NUDT9: variants seen among roughly 807,000 people sequenced by gnomAD.
NUDT9 encodes ADP-ribose pyrophosphatase.
Under a neutral mutation model 41.0 loss-of-function variants are expected in NUDT9, and 31 were observed. That is an observed-to-expected ratio of 0.76 (90% CI 0.57 to 1.02). The LOEUF (loss-of-function observed/expected upper bound fraction) is 1.02, where lower values mean the gene tolerates loss of function less well. Among genes scored for constraint, NUDT9 ranks in the 50% least tolerant of loss-of-function variants. The pLI, the probability that NUDT9 is intolerant of heterozygous loss-of-function variation, is 0.00. For missense variants in NUDT9, 380 were observed against 431.4 expected (o/e 0.88, Z 1.06); for synonymous variants, 146 against 147.6 (o/e 0.99, Z 0.08).
intron 1 of NUDT9, among the ~76,000 whole-genome samples, chr4:87,423,539 A>G (rs1721250593): frequency 6.6e-6 from 1 of 151,758 alleles, no homozygotes; most frequent in Admixed American, 6.6e-5. Context: ...TCCCTTCTCC[A>G]GTTTTTATTC....
chr4:87,429,316 T>A (rs2110160996), intron 1 of NUDT9, among the ~76,000 whole-genome samples: 1 of 152,214 alleles, frequency 6.6e-6, no homozygotes, highest in Middle Eastern at 3.4e-3. Flanking sequence ...CATGCCTGAC[T>A]AACTTTTAAA....
rs190375768 is a variant in NUDT9 at position 87,452,266 on chromosome 4, G to A, written c.789+531G>A. ...TACCTGCCCGCCTCGGCCTCCCAAA[G>A]TGCTGGGATTACAGGTGTAAGCCAA... On this transcript the variant is annotated intron_variant, in intron 6 of 7. Transcript: ENST00000302174. Among the ~76,000 whole-genome samples the A allele has an allele frequency of 2.0e-5, 3 of 152,114 alleles. No individual in the cohort carries two copies. In the East Asian group the frequency reaches 5.8e-4, roughly 29 times the overall value.
chr4:87,425,445 A>T (rs565204103), intron 1 of NUDT9, among the ~76,000 whole-genome samples: 1 of 126,318 alleles, frequency 7.9e-6, no homozygotes, highest in East Asian at 2.5e-4. Context: ...CCAAGGCTGG[A>T]GTGCGGTGGC....
At chr4:87,438,138 G>GGAAA in intron 2 of NUDT9, 139 bp from the exon 3 acceptor site, 1 of 324,848 alleles carries the variant, frequency 3.1e-6, no homozygotes, top group African/African-American at 2.4e-5. Flanking sequence ...ATGGATTTGT[G>GGAAA]AAAAAAAAAA....
intron 4 of NUDT9, chr4:87,445,447 A>T (rs942655154): frequency 2.0e-5 from 3 of 152,176 alleles, no homozygotes; most frequent in Admixed American, 2.0e-4. Context: ...ACTTTTTCAG[A>T]AGCTCCGGGG....
chr4:87,429,591 A>G (rs1036130907), intron 1 of NUDT9, among the ~76,000 whole-genome samples: 1 of 146,576 alleles, frequency 6.8e-6, no homozygotes, highest in African/African-American at 2.5e-5. Flanking sequence ...CTTTTCCTTC[A>G]GTTTTCTTAT....
chr4:87,445,651 A>C (rs1003921349), intron 4 of NUDT9: 1 of 152,212 alleles, frequency 6.6e-6, no homozygotes, highest in Non-Finnish European at 1.5e-5. Flanking sequence ...AGGAAGGTAC[A>C]TACTGTTAGA....
At position 87,441,883 on chromosome 4, in the gene NUDT9, C is replaced by G; in HGVS notation, c.498C>G (p.Gly166=). ...LVGRGLLGRW[G]PNHAADPIIT... is the part of the protein sequence containing the mutation. ...GCCGGGGGCTTTTGGGGCGATGGGGCCCAAATCACGCTGCAGATCCCATTA... is the reference window on the plus strand; with the variant it reads ...GCCGGGGGCTTTTGGGGCGATGGGGGCCAAATCACGCTGCAGATCCCATTA... Residue 166 remains glycine, a synonymous_variant, in exon 4 of 8, where the codon GGC becomes GGG. Coordinates refer to ENST00000302174, the MANE Select transcript of NUDT9 (RefSeq NM_024047.5). The G allele has an allele frequency of 6.2e-7, 1 of 1,612,822 alleles. No homozygotes were observed. Among genetic ancestry groups the G allele is most frequent in the Non-Finnish European group, 8.5e-7 (1 of 1,179,574 alleles).
chr4:87,456,472 C>T (rs1722995318), intron 7 of NUDT9, among the ~76,000 whole-genome samples: 1 of 152,100 alleles, frequency 6.6e-6, no homozygotes, highest in Non-Finnish European at 1.5e-5. Context: ...AAATTGGTTA[C>T]CTTTCCCCTC....
rs1722954359 is a variant in NUDT9 at position 87,455,651 on chromosome 4, CTTTTTTCTTTTTTTTT to C, written c.874+1203_874+1218del. Among the ~76,000 whole-genome samples, 3 of 141,940 alleles carry C rather than the reference CTTTTTTCTTTTTTTTT, an allele frequency of 2.1e-5. No individual in the cohort carries two copies. In the East Asian group the frequency reaches 6.1e-4, roughly 29 times the overall value. The allele number at this position is 141,940 out of a possible 152,430, so 93.1% of individuals were successfully genotyped here. On this transcript the variant is annotated intron_variant, in intron 7 of 7. Coordinates refer to ENST00000302174, the MANE Select transcript of NUDT9 (RefSeq NM_024047.5). ...TAGCGTGCTTTTAGTGCTTTTTTTTCTTTTTTCTTTTTTTTTTTTTTTAACCCCGAGATGGAGTCTT... is the reference window on the plus strand; with the variant it reads ...TAGCGTGCTTTTAGTGCTTTTTTTTCTTTTTTAACCCCGAGATGGAGTCTT...
chr4:87,426,935 C>CA (rs70957243), intron 1 of NUDT9, among the ~76,000 whole-genome samples: 171 of 53,960 alleles, frequency 3.2e-3, no homozygotes, highest in Admixed American at 4.0e-3. Context: ...ACTCCCTTGC[C>CA]AAAAAAAAAA....
Position 87,423,098 on chromosome 4 carries a change from A to G in NUDT9, c.107+86A>G, listed in dbSNP as rs1721224311. 3 of 949,686 alleles carry G rather than the reference A, an allele frequency of 3.2e-6. No homozygotes were observed. In the East Asian group the frequency reaches 8.1e-5, roughly 26 times the overall value. The allele number at this position is 949,686 out of a possible 1,614,324, so 58.8% of individuals were successfully genotyped here. A position where few individuals can be genotyped will look rare whatever the true frequency, so the allele number is the denominator to read the frequency against. ...AGCTTTTTTTTCTGGCGTATTCTGT[A>G]GGCTTTGCTTTGCCTCTCGGGTTTT... On this transcript the variant is annotated intron_variant, in intron 1 of 7. Coordinates refer to ENST00000302174, the MANE Select transcript of NUDT9 (RefSeq NM_024047.5).
chr4:87,439,873 A>G (rs11936844), intron 3 of NUDT9, among the ~76,000 whole-genome samples: 2,623 of 152,294 alleles, frequency 0.017, 85 homozygotes, highest in African/African-American at 0.06. Flanking sequence ...CATGTACCAA[A>G]TAAAACCAAA....
chr4:87,422,882 C>G lies in NUDT9; in HGVS notation c.-24C>G. On this transcript the variant is annotated 5_prime_UTR_variant, in exon 1 of 8. The change creates a new upstream start codon in the 5' untranslated region. Transcript: ENST00000302174. ...GCACCAACTAAGAGCGACCTAGCAT[C>G]GCAAAGCCGCCCTCGGGGCGCTCAT... The G allele has an allele frequency of 1.3e-6, 2 of 1,596,960 alleles. No homozygotes were observed. The highest frequency in any genetic ancestry group is 4.5e-5 in the East Asian group (2 of 44,672).
rs961873088 is a variant in NUDT9 at position 87,452,780 on chromosome 4, A to G, written c.789+1045A>G. 4.7e-5 allele frequency among the ~76,000 whole-genome samples: 7 copies of G among 149,320 alleles called. No individual in the cohort carries two copies. The South Asian group carries it at 1.3e-3, about 27-fold the overall frequency. ...TTTAAAAAAATACCTTACAAGGTAT[A>G]TGCACACTAATAATAAGAAAATAAC... On this transcript the variant is annotated intron_variant, in intron 6 of 7. Transcript: ENST00000302174.
chr4:87,439,388 G>T (rs1722098091), intron 3 of NUDT9, among the ~76,000 whole-genome samples: 1 of 152,096 alleles, frequency 6.6e-6, no homozygotes, highest in Non-Finnish European at 1.5e-5. Flanking sequence ...AGGCACAGTG[G>T]CTCACACCTG....
At chr4:87,435,711 A>G (rs1241468487) in intron 2 of NUDT9, among the ~76,000 whole-genome samples, 2 of 152,170 alleles carry the variant, frequency 1.3e-5, no homozygotes, top group African/African-American at 2.4e-5. Context: ...TGAGAGGGGG[A>G]GAATGAGAGA....
chr4:87,454,433 T>C lies in NUDT9; in HGVS notation c.852T>C (p.Ala284=), dbSNP rs907035547. 3 of 1,609,128 alleles carry C rather than the reference T, an allele frequency of 1.9e-6. No individual in the cohort carries two copies. Among genetic ancestry groups the C allele is most frequent in the Non-Finnish European group, 2.6e-6 (3 of 1,175,500 alleles). ...ATAATGCATGGATGGAGACAGAAGC[T>C]GTGAACTACCATGACGAAACAGGTA... ...NTDNAWMETE[A]VNYHDETGEI... Residue 284 remains alanine, a synonymous_variant, in exon 7 of 8, where the codon GCT becomes GCC. Transcript: ENST00000302174.
intron 1 of NUDT9, among the ~76,000 whole-genome samples, chr4:87,423,512 C>T (rs1721248590): frequency 6.7e-6 from 1 of 149,290 alleles, no homozygotes; most frequent in Non-Finnish European, 1.5e-5. Flanking sequence ...GTGTCTTACA[C>T]TGCCTCCTTC....
Sources: allele counts gnomAD v4.1 joint callset (sites outside exome capture counted in the v4.1 genomes callset), GRCh38; gene constraint gnomAD v4.1.1; transcripts MANE v1.5; gene names NCBI Gene and HGNC (gene_info 2026-07-23, HGNC 2026-07-21).